Variants in ARMC9 observed in about 807,000 individuals in gnomAD.
ARMC9 encodes lisH domain-containing protein ARMC9.
A neutral mutation model predicts 107.0 loss-of-function variants in ARMC9; 94 were observed. The observed-to-expected ratio is 0.88, with a 90% confidence interval of 0.74 to 1.04. The LOEUF (loss-of-function observed/expected upper bound fraction) is 1.04. Among genes scored for constraint, ARMC9 ranks in the 50% least tolerant of loss-of-function variants. ARMC9 has a pLI of 0.00. For synonymous variants in ARMC9, 380 were observed against 396.9 expected (o/e 0.96, Z 0.51); for missense variants, 942 against 1,030.1 (o/e 0.91, Z 1.17).
In ARMC9 at chr2:231,270,978, C is replaced by T. The variant is rs1185124641; in HGVS notation, c.1120-4C>T. The T allele has an allele frequency of 1.2e-6, 2 of 1,613,854 alleles. No individual in the cohort carries two copies. Among genetic ancestry groups the T allele is most frequent in the Non-Finnish European group, 1.7e-6 (2 of 1,179,928 alleles). ...TTGTTTTTCCTCTTGACGTTTTCCC[C>T]CAGAGGAGTGTGCTTCAGTTGCTGC... is the stretch of plus-strand genomic sequence containing the variant. On this transcript the variant is annotated splice_region_variant and splice_polypyrimidine_tract_variant and intron_variant, in intron 12 of 24. Coordinates refer to ENST00000611582, the MANE Select transcript of ARMC9 (RefSeq NM_001352754.2).
chr2:231,334,428 C>CA (rs2043948116), intron 20 of ARMC9, among the ~76,000 whole-genome samples: 1 of 152,346 alleles, frequency 6.6e-6, no homozygotes, highest in Admixed American at 6.5e-5. Context: ...GGCCTGCCTT[C>CA]ACATGGCCTT....
intron 9 of ARMC9, among the ~76,000 whole-genome samples, chr2:231,242,712 C>T (rs1254171838): frequency 6.6e-6 from 1 of 152,312 alleles, no homozygotes; most frequent in Non-Finnish European, 1.5e-5. Flanking sequence ...TCATCAAAGA[C>T]TTAGTGTTTT....
rs536625687 is a variant in ARMC9, at chr2:231,273,511, A to G, written c.1334+433A>G. ...GGGTTAGGGCCTCCTGACCTTGTCC[A>G]TGATCCCAGCAGCCCACCCCATGGG... On this transcript the variant is annotated intron_variant, in intron 14 of 24. Transcript: ENST00000611582. Among the ~76,000 whole-genome samples, 64 of 152,250 alleles carry G rather than the reference A, an allele frequency of 4.2e-4. No homozygotes were observed. In the South Asian group the frequency reaches 0.012, roughly 29 times the overall value.
chr2:231,337,270 G>GTGTGTATATATATA (rs1417267339), intron 20 of ARMC9, among the ~76,000 whole-genome samples: 1 of 76,412 alleles, frequency 1.3e-5, no homozygotes, highest in African/African-American at 5.8e-5. Flanking sequence ...ACGTGTGTGT[G>GTGTGTATATATATA]TATATATATA....
chr2:231,345,036 A>T lies in ARMC9; in HGVS notation c.1940A>T (p.Asp647Val). ...KGLANVQWSG[D>V]EPLQRPVTPG... ...CTGGCTAATGTGCAGTGGAGCGGGG[A>T]TGAGCCCCTGCAAAGGCCCGTCACC... is the stretch of plus-strand genomic sequence containing the variant. The change falls in exon 21 of 25, where the codon GAT becomes GTT. Residue 647 changes from aspartate (D) to valine (V), a missense_variant. Transcript: ENST00000611582. The T allele has an allele frequency of 6.2e-7, 1 of 1,614,070 alleles. No individual in the cohort carries two copies. The highest frequency in any genetic ancestry group is 1.7e-5 in the Admixed American group (1 of 59,994).
At chr2:231,371,361 C>T (rs926007340) in intron 24 of ARMC9, among the ~76,000 whole-genome samples, 152 bp from the exon 25 acceptor site, 33 of 152,112 alleles carry the variant, frequency 2.2e-4, no homozygotes, top group African/African-American at 7.7e-4. Context: ...AGAGCCGGCC[C>T]GCCAGTCGAG....
Position 231,252,348 on chromosome 2 carries a change from C to G in ARMC9, c.880-4238C>G, listed in dbSNP as rs569070836. 5.5e-4 allele frequency among the ~76,000 whole-genome samples: 84 copies of G among 152,298 alleles called. No individual in the cohort carries two copies. The South Asian group carries it at 0.017, about 30-fold the overall frequency. ...CACTGCAACCTCTGCCTCACTGATT[C>G]AAGCAATTCTCCTTCCGCAGCCTCC... On this transcript the variant is annotated intron_variant, in intron 9 of 24. Coordinates refer to ENST00000611582, the MANE Select transcript of ARMC9 (RefSeq NM_001352754.2).
rs2040600175 is a variant in ARMC9, at chr2:231,286,462, T to G, written c.1626+4329T>G. Among the ~76,000 whole-genome samples, 4 of 152,178 alleles carry G rather than the reference T, an allele frequency of 2.6e-5. No homozygotes were observed. The South Asian group carries it at 8.3e-4, about 32-fold the overall frequency. On this transcript the variant is annotated intron_variant, in intron 17 of 24. Coordinates refer to ENST00000611582, the MANE Select transcript of ARMC9 (RefSeq NM_001352754.2). ...TCAGCACAGTCCTTCTGGAAAGCAGTTTGGCAGTTACATGAAAAATCACTA... is the reference window on the plus strand; with the variant it reads ...TCAGCACAGTCCTTCTGGAAAGCAGGTTGGCAGTTACATGAAAAATCACTA...
At chr2:231,346,796 G>A (rs1354521327) in intron 21 of ARMC9, among the ~76,000 whole-genome samples, 1 of 152,236 alleles carries the variant, frequency 6.6e-6, no homozygotes, top group South Asian at 2.1e-4. Context: ...GGGTCATTTG[G>A]TTTTCATCCA....
chr2:231,242,873 G>C (rs2036425925), intron 9 of ARMC9, among the ~76,000 whole-genome samples: 1 of 152,184 alleles, frequency 6.6e-6, no homozygotes, highest in Non-Finnish European at 1.5e-5. Flanking sequence ...AACACTGGTA[G>C]TCCAAGGCAG....
At chr2:231,232,137 T>G (rs2035290657) in intron 7 of ARMC9, among the ~76,000 whole-genome samples, 1 of 151,066 alleles carries the variant, frequency 6.6e-6, no homozygotes, top group Non-Finnish European at 1.5e-5. Flanking sequence ...GCGATTCTGC[T>G]GCCTCAGCCT....
At chr2:231,296,414 G>T (rs1356181181) in intron 19 of ARMC9, among the ~76,000 whole-genome samples, 161 bp downstream of exon 19, 1 of 152,186 alleles carries the variant, frequency 6.6e-6, no homozygotes, top group African/African-American at 2.4e-5. Context: ...GGTGGTTCGG[G>T]TCTCACTTGG....
intron 12 of ARMC9, among the ~76,000 whole-genome samples, chr2:231,269,414 T>C (rs2125428239): frequency 6.8e-6 from 1 of 148,028 alleles, no homozygotes; most frequent in Non-Finnish European, 1.5e-5. Context: ...TTTTTTTTTT[T>C]TTTTTGAGAC....
At chr2:231,355,389 C>T (rs889201523) in intron 21 of ARMC9, among the ~76,000 whole-genome samples, 1 of 152,218 alleles carries the variant, frequency 6.6e-6, no homozygotes, top group Non-Finnish European at 1.5e-5. Context: ...CCAACACTTG[C>T]CACGGCTGAC....
intron 19 of ARMC9, among the ~76,000 whole-genome samples, chr2:231,307,157 C>T (rs1043055297): frequency 9.9e-5 from 15 of 152,202 alleles, no homozygotes; most frequent in African/African-American, 3.6e-4. Flanking sequence ...CACAGTGCCC[C>T]AGGGGCAGGG....
chr2:231,316,354 T>G (rs919586847), intron 19 of ARMC9, among the ~76,000 whole-genome samples: 6 of 152,084 alleles, frequency 3.9e-5, no homozygotes, highest in Non-Finnish European at 8.8e-5. Flanking sequence ...GAAGCATAGT[T>G]TCACTGCATA....
intron 19 of ARMC9, among the ~76,000 whole-genome samples, chr2:231,315,455 C>T (rs924997767): frequency 6.6e-6 from 1 of 152,088 alleles, no homozygotes; most frequent in Non-Finnish European, 1.5e-5. Flanking sequence ...AGGAGAGCTG[C>T]TTGAACCTTG....
intron 8 of ARMC9, among the ~76,000 whole-genome samples, chr2:231,239,377 G>T (rs577328366): frequency 6.6e-6 from 1 of 152,144 alleles, no homozygotes; most frequent in Non-Finnish European, 1.5e-5. Context: ...GCACGTTGTC[G>T]AGCACTGGAT....
chr2:231,218,047 A>G (rs1367456780), intron 5 of ARMC9, among the ~76,000 whole-genome samples: 1 of 152,158 alleles, frequency 6.6e-6, no homozygotes, highest in East Asian at 1.9e-4. Context: ...CTCTCACTCA[A>G]CAGCAACTGA....
Sources: gnomAD v4.1 joint callset for allele counts (sites outside exome capture counted in the v4.1 genomes callset) on GRCh38, gnomAD v4.1.1 for gene constraint, MANE v1.5 for transcripts, NCBI Gene and HGNC (gene_info 2026-07-23, HGNC 2026-07-21) for gene names.